Variants in DENND1B observed in about 807,000 individuals in gnomAD.
The protein encoded by DENND1B is DENN domain containing 1B.
DENND1B carries 59 observed loss-of-function variants against 90.1 expected under a neutral mutation model. The ratio of observed to expected loss-of-function variants is 0.65; its 90% CI spans 0.53 to 0.81. The LOEUF (loss-of-function observed/expected upper bound fraction) is 0.81. Ranked by LOEUF, DENND1B falls within the 40% of genes least tolerant of loss-of-function variation. The pLI, the probability that DENND1B is intolerant of heterozygous loss-of-function variation, is 0.00. For missense variants in DENND1B, 862 were observed against 912.6 expected (o/e 0.94, Z 0.71); for synonymous variants, 337 against 324.6 (o/e 1.04, Z -0.41).
At chr1:197,685,269 A>T (rs761872829) in intron 3 of DENND1B, among the ~76,000 whole-genome samples, 3 of 152,196 alleles carry the variant, frequency 2.0e-5, no homozygotes, top group Non-Finnish European at 4.4e-5. Context: ...TGGTTGACAG[A>T]CTATTTCATC....
chr1:197,728,023 C>T (rs1448577234), intron 2 of DENND1B, among the ~76,000 whole-genome samples: 2 of 151,654 alleles, frequency 1.3e-5, no homozygotes, highest in East Asian at 3.9e-4. Flanking sequence ...AAAACAAATT[C>T]AAAAACTTTT....
chr1:197,775,075 A>T, intron 1 of DENND1B, 64 bp downstream of exon 1: 1 of 1,128,730 alleles, frequency 8.9e-7, no homozygotes, highest in Non-Finnish European at 1.1e-6. Flanking sequence ...GGAGGAGCCG[A>T]GCTGGCCTGG....
intron 3 of DENND1B, among the ~76,000 whole-genome samples, chr1:197,705,319 T>C (rs571700409): frequency 3.3e-5 from 5 of 152,268 alleles, no homozygotes; most frequent in African/African-American, 9.6e-5. Context: ...TAAAATGACA[T>C]AGATACACAA....
intron 1 of DENND1B, 107 bp from the exon 2 acceptor site, chr1:197,773,039 C>A (rs568375314): frequency 1.1e-6 from 1 of 947,090 alleles, no homozygotes; most frequent in Admixed American, 2.0e-5. Flanking sequence ...CAATACATTT[C>A]ACGTGACTGT....
chr1:197,701,267 A>C (rs1658999422), intron 3 of DENND1B, among the ~76,000 whole-genome samples: 1 of 152,200 alleles, frequency 6.6e-6, no homozygotes, highest in Non-Finnish European at 1.5e-5. Flanking sequence ...GAATGAGATA[A>C]TGTCCTTTGC....
chr1:197,734,123 C>T (rs975856474), intron 2 of DENND1B: 93 of 949,518 alleles, frequency 9.8e-5, no homozygotes, highest in Non-Finnish European at 1.1e-4. Context: ...CAAAATAAAA[C>T]TGTCATATCT....
At chr1:197,761,639 C>G (rs1655069019) in intron 2 of DENND1B, among the ~76,000 whole-genome samples, 1 of 152,026 alleles carries the variant, frequency 6.6e-6, no homozygotes, top group African/African-American at 2.4e-5. Flanking sequence ...CTGCTTAATT[C>G]TAATTAATAG....
chr1:197,736,289 T>C (rs1419311596), intron 2 of DENND1B, among the ~76,000 whole-genome samples: 2 of 152,072 alleles, frequency 1.3e-5, no homozygotes, highest in Non-Finnish European at 2.9e-5. Context: ...TAAGATCTAC[T>C]CATTTTGAGA....
At chr1:197,764,499 G>A (rs1465469128) in intron 2 of DENND1B, among the ~76,000 whole-genome samples, 1 of 152,020 alleles carries the variant, frequency 6.6e-6, no homozygotes, top group African/African-American at 2.4e-5. Flanking sequence ...GAAATTCACT[G>A]AATTAATACT....
At chr1:197,659,753 C>G (rs1654221159) in intron 5 of DENND1B, among the ~76,000 whole-genome samples, 1 of 151,786 alleles carries the variant, frequency 6.6e-6, no homozygotes, top group East Asian at 1.9e-4. Flanking sequence ...GAAGTGCTCC[C>G]TAAAGAGTTC....
chr1:197,744,433 T>C (rs1366495972), intron 2 of DENND1B, among the ~76,000 whole-genome samples: 1 of 152,216 alleles, frequency 6.6e-6, no homozygotes, highest in Non-Finnish European at 1.5e-5. Flanking sequence ...TTTGTCTTCT[T>C]GTATATCTCC....
chr1:197,604,902 GA>G (rs1386873771), intron 13 of DENND1B, among the ~76,000 whole-genome samples: 1 of 150,876 alleles, frequency 6.6e-6, no homozygotes, highest in Non-Finnish European at 1.5e-5. Context: ...GAAAACTGAT[GA>G]AAAAGCTATA....
chr1:197,745,646 TATA>T (rs1239248870), intron 2 of DENND1B, among the ~76,000 whole-genome samples: 4 of 147,336 alleles, frequency 2.7e-5, no homozygotes, highest in South Asian at 4.2e-4. Flanking sequence ...ATATAATATA[TATA>T]ATAATAATGA....
rs16829934 is a variant in DENND1B, at chr1:197,773,719, A to C, written c.18-787T>G. On this transcript the variant is annotated intron_variant, in intron 1 of 22. Transcript: ENST00000620048. The stretch of plus-strand genomic sequence containing the variant: ...GCCATATTTGCAAAATTTCAAAGCA[A>C]CATTGGTTAAATTTCAAAAAGTGAA... Among the ~76,000 whole-genome samples, 806 of 152,336 alleles carry C rather than the reference A, an allele frequency of 5.3e-3. 3 individuals are homozygous for C. Among genetic ancestry groups the C allele is most frequent in the African/African-American group, 0.019 (776 of 41,568 alleles).
chr1:197,510,383 T>C lies in DENND1B; in HGVS notation c.*77A>G, dbSNP rs1314237715. 1.4e-6 allele frequency: 2 copies of C among 1,447,772 alleles called. No individual in the cohort carries two copies. The highest frequency in any genetic ancestry group is 2.4e-5 in the East Asian group (1 of 42,318). The allele number at this position is 1,447,772 out of a possible 1,614,324, so 89.7% of individuals were successfully genotyped here. A position where few individuals can be genotyped will look rare whatever the true frequency, so the allele number is the denominator to read the frequency against. ...AAAATTTAAATAGTATGAGTTGCCA[T>C]TCCTACAAATAATTCTGTTTATTAT... On this transcript the variant is annotated 3_prime_UTR_variant, in exon 23 of 23. Transcript: ENST00000620048.
intron 2 of DENND1B, among the ~76,000 whole-genome samples, chr1:197,765,302 T>C (rs1655568215): frequency 1.3e-5 from 2 of 152,356 alleles, no homozygotes; most frequent in South Asian, 4.1e-4. Flanking sequence ...AACATTAAGC[T>C]TATTTCCAAG....
chr1:197,680,450 A>G (rs928809273), intron 3 of DENND1B, among the ~76,000 whole-genome samples: 1 of 152,200 alleles, frequency 6.6e-6, no homozygotes, highest in African/African-American at 2.4e-5. Context: ...TAGACTTAAG[A>G]TAAGTAGGAA....
chr1:197,511,114 C>T, intron 22 of DENND1B, 142 bp from the exon 23 acceptor site: 1 of 910,772 alleles, frequency 1.1e-6, no homozygotes, highest in Non-Finnish European at 1.5e-6. Flanking sequence ...TTAAACATTT[C>T]CAAATGGCTC....
At chr1:197,773,065 T>C in intron 1 of DENND1B, 133 bp from the exon 2 acceptor site, 2 of 761,774 alleles carry the variant, frequency 2.6e-6, no homozygotes, top group Non-Finnish European at 4.5e-6. Context: ...TACAGTATAG[T>C]AGAAATAACA....
Sources: gnomAD v4.1 joint callset for allele counts (sites outside exome capture counted in the v4.1 genomes callset) on GRCh38, gnomAD v4.1.1 for gene constraint, MANE v1.5 for transcripts, NCBI Gene and HGNC (gene_info 2026-07-23, HGNC 2026-07-21) for gene names.